Variants in BCAS3 observed in about 807,000 individuals in gnomAD.
BCAS3 encodes BCAS4/BCAS3 fusion.
Under a neutral mutation model 116.1 loss-of-function variants are expected in BCAS3, and 53 were observed. That is an observed-to-expected ratio of 0.46 (90% CI 0.37 to 0.57). The LOEUF (loss-of-function observed/expected upper bound fraction) is 0.57. Ranked by LOEUF, BCAS3 falls within the 20% of genes least tolerant of loss-of-function variation. BCAS3 has a pLI of 0.00. For missense variants in BCAS3, 917 were observed against 1,165.4 expected (o/e 0.79, Z 3.10); for synonymous variants, 391 against 408.2 (o/e 0.96, Z 0.51).
rs2077153773 is a variant in BCAS3 at position 61,145,543 on chromosome 17, G to A, written c.2425+60979G>A. ...TTTGGAGATGAAAAACAGACGGAGA[G>A]AGGCATTTCCAACCATCTTGCTGAT... On this transcript the variant is annotated intron_variant, in intron 22 of 23. Transcript: ENST00000407086. This position sits in a 1 kb window ranked among gnomAD's most constrained non-coding sequence, Gnocchi z 5.0. Among the ~76,000 whole-genome samples, 1 of 152,158 alleles carries A rather than the reference G, an allele frequency of 6.6e-6. No individual in the cohort carries two copies. Among genetic ancestry groups the A allele is most frequent in the African/African-American group, 2.4e-5 (1 of 41,424 alleles).
rs2064490677 is a variant in BCAS3 at position 61,004,305 on chromosome 17, A to C, written c.1487-11446A>C. On this transcript the variant is annotated intron_variant, in intron 15 of 23. Coordinates refer to ENST00000407086, the MANE Select transcript of BCAS3 (RefSeq NM_017679.5). This position sits in a 1 kb window ranked among gnomAD's most constrained non-coding sequence, Gnocchi z 4.8. ...AGAAGTGCAAATGGGTAGAACAACA[A>C]ATTTTGGGAAAAGAAGTGAATGTTC... Among the ~76,000 whole-genome samples, 1 of 152,158 alleles carries C rather than the reference A, an allele frequency of 6.6e-6. No individual in the cohort carries two copies. Among genetic ancestry groups the C allele is most frequent in the Non-Finnish European group, 1.5e-5 (1 of 68,016 alleles).
rs970709113 is a variant in BCAS3, at chr17:61,103,062, A to T, written c.2425+18498A>T. On this transcript the variant is annotated intron_variant, in intron 22 of 23. Transcript: ENST00000407086. ...TCCAGAGCCTGTGTTTTTAGCTATAATGTGCTTTGGTATGAAGATATATTC... is the reference window on the plus strand; with the variant it reads ...TCCAGAGCCTGTGTTTTTAGCTATATTGTGCTTTGGTATGAAGATATATTC... 2.6e-4 allele frequency among the ~76,000 whole-genome samples: 40 copies of T among 152,092 alleles called. 1 individual carries two copies. The highest frequency in any genetic ancestry group is 8.7e-4 in the African/African-American group (36 of 41,408).
chr17:61,040,110 A>G (rs796205907), intron 18 of BCAS3, among the ~76,000 whole-genome samples: 10 of 152,360 alleles, frequency 6.6e-5, no homozygotes, highest in African/African-American at 2.4e-4. Flanking sequence ...TGCTCCTGAC[A>G]TGTATGGAAG....
chr17:60,683,276 A>G (rs139142424), intron 2 of BCAS3, among the ~76,000 whole-genome samples: 1 of 152,216 alleles, frequency 6.6e-6, no homozygotes, highest in East Asian at 1.9e-4. Context: ...ACTTGCTCTA[A>G]TTAGGGCATT....
intron 22 of BCAS3, among the ~76,000 whole-genome samples, chr17:61,264,785 G>A (rs73993414): frequency 0.057 from 8,706 of 152,230 alleles, 535 homozygotes; most frequent in African/African-American, 0.15. Flanking sequence ...CTGATATTGA[G>A]GAGGCAGGAG....
chr17:61,382,484 A>G (rs1302752593), intron 23 of BCAS3, among the ~76,000 whole-genome samples: 3 of 150,774 alleles, frequency 2.0e-5, no homozygotes, highest in Non-Finnish European at 3.0e-5. Flanking sequence ...CTGGTCTCGA[A>G]CTCCTGACCT....
intron 6 of BCAS3, among the ~76,000 whole-genome samples, chr17:60,799,932 A>G (rs1402317313): frequency 6.6e-6 from 1 of 151,426 alleles, no homozygotes; most frequent in Non-Finnish European, 1.5e-5. Context: ...TCAGTAGTTA[A>G]TTCCTTTTTA....
At position 61,034,648 on chromosome 17, in the gene BCAS3, C is replaced by G. The variant is rs1218375510; in HGVS notation, c.1638-18C>G. ...TTCATCATGATAATTGTTTTTTACT[C>G]TTATTTTATTTTTTAAGCAAAGTTA... On this transcript the variant is annotated intron_variant, in intron 16 of 23. Transcript: ENST00000407086. The surrounding 1 kb of genome is among the most constrained non-coding windows in gnomAD (Gnocchi z 5.0). 8.8e-6 allele frequency: 14 copies of G among 1,585,136 alleles called. 1 individual carries two copies. In the Admixed American group the frequency reaches 2.3e-4, roughly 26 times the overall value.
Position 61,392,526 on chromosome 17 carries a change from CCT to C in BCAS3, c.*402_*403del, listed in dbSNP as rs2060181706. 1 of 169,644 alleles carries C rather than the reference CCT, an allele frequency of 5.9e-6. No individual in the cohort carries two copies. Among genetic ancestry groups the C allele is most frequent in the African/African-American group, 2.4e-5 (1 of 41,912 alleles). 10.5% of individuals were successfully genotyped at this position (169,644 alleles called of 1,614,324 possible). On this transcript the variant is annotated 3_prime_UTR_variant, in exon 24 of 24. Transcript: ENST00000407086. The surrounding 1 kb of genome is among the most constrained non-coding windows in gnomAD (Gnocchi z 6.4). ...TGATCGTCCACCTGGCCATTTTGAC[CCT>C]GAGTGGACAGTCACAGCCTCAGCTC...
At position 60,688,452 on chromosome 17, in the gene BCAS3, A is replaced by G. The variant is rs1313752676; in HGVS notation, c.139-1234A>G. Among the ~76,000 whole-genome samples, 3 of 151,934 alleles carry G rather than the reference A, an allele frequency of 2.0e-5. No individual in the cohort carries two copies. The East Asian group carries it at 5.8e-4, about 29-fold the overall frequency. The stretch of plus-strand genomic sequence containing the variant: ...GTAGCTGGGACTACAGGTGCATGCC[A>G]CCATGCCCAGATTTTTTTTCTGTAG... On this transcript the variant is annotated intron_variant, in intron 3 of 23. Transcript: ENST00000407086.
At chr17:61,190,499 C>T (rs1218179999) in intron 22 of BCAS3, among the ~76,000 whole-genome samples, 2 of 125,928 alleles carry the variant, frequency 1.6e-5, no homozygotes. Flanking sequence ...TGTACTCCAG[C>T]CTGGGCTATG....
chr17:60,748,750 A>G (rs2042205452), intron 6 of BCAS3, among the ~76,000 whole-genome samples: 1 of 152,184 alleles, frequency 6.6e-6, no homozygotes, highest in Non-Finnish European at 1.5e-5. Flanking sequence ...TATTGCTAAT[A>G]TTTTATTTAG....
intron 19 of BCAS3, among the ~76,000 whole-genome samples, chr17:61,061,116 T>C (rs1158526972): frequency 6.6e-6 from 1 of 152,196 alleles, no homozygotes; most frequent in East Asian, 1.9e-4. Context: ...TTAATGATCA[T>C]TTAAGAAGAT....
intron 6 of BCAS3, among the ~76,000 whole-genome samples, chr17:60,793,644 C>A (rs117746316): frequency 1.3e-5 from 2 of 152,126 alleles, no homozygotes; most frequent in East Asian, 3.8e-4. Flanking sequence ...TTAGTGAGAA[C>A]ATATGATGGT....
chr17:60,913,570 T>A (rs901483509), intron 12 of BCAS3, among the ~76,000 whole-genome samples: 1 of 152,156 alleles, frequency 6.6e-6, no homozygotes, highest in Non-Finnish European at 1.5e-5. Context: ...CTGCAGTGGT[T>A]AATGTCTTAG....
In BCAS3 at chr17:60,990,319, G is replaced by A. The variant is rs944126011; in HGVS notation, c.1486+84G>A. Reference sequence around the variant, plus strand: ...ACAGATCTGGGATAAAACTAAACTTGTTATAGTCTGTTCATGTAAAAAGAA... The same window carrying A: ...ACAGATCTGGGATAAAACTAAACTTATTATAGTCTGTTCATGTAAAAAGAA... On this transcript the variant is annotated intron_variant, in intron 15 of 23. Coordinates refer to ENST00000407086, the MANE Select transcript of BCAS3 (RefSeq NM_017679.5). The surrounding 1 kb of genome is among the most constrained non-coding windows in gnomAD (Gnocchi z 5.1). 3.6e-6 allele frequency: 5 copies of A among 1,392,014 alleles called. No individual in the cohort carries two copies. The African/African-American group carries it at 5.8e-5, about 16-fold the overall frequency. 86.2% of individuals were successfully genotyped at this position (1,392,014 alleles called of 1,614,324 possible). A position where few individuals can be genotyped will look rare whatever the true frequency, so the allele number is the denominator to read the frequency against.
rs978821723 is a variant in BCAS3, at chr17:61,128,512, C to G, written c.2425+43948C>G. The G allele has an allele frequency of 2.9e-5, 29 of 985,190 alleles. No individual in the cohort carries two copies. The highest frequency in any genetic ancestry group is 3.5e-5 in the Non-Finnish European group (29 of 829,854). The allele number at this position is 985,190 out of a possible 1,614,324, so 61.0% of individuals were successfully genotyped here. On this transcript the variant is annotated intron_variant, in intron 22 of 23. Coordinates refer to ENST00000407086, the MANE Select transcript of BCAS3 (RefSeq NM_017679.5). This position sits in a 1 kb window ranked among gnomAD's most constrained non-coding sequence, Gnocchi z 4.1. The stretch of plus-strand genomic sequence containing the variant: ...CAGAGGTTAACAAGCAATGGACAAA[C>G]CTTCCGTTCTTCTCTATCCCAAATC...
Position 61,199,058 on chromosome 17 carries a change from C to A in BCAS3, c.2425+114494C>A, listed in dbSNP as rs2080666574. ...TTTCTCTATCCTGGAAAAAAAGTGT[C>A]CAGTAGAGTCTGTCCTTCCTGAGCT... is the stretch of plus-strand genomic sequence containing the variant. On this transcript the variant is annotated intron_variant, in intron 22 of 23. Coordinates refer to ENST00000407086, the MANE Select transcript of BCAS3 (RefSeq NM_017679.5). This position sits in a 1 kb window ranked among gnomAD's most constrained non-coding sequence, Gnocchi z 4.6. 6.6e-6 allele frequency among the ~76,000 whole-genome samples: 1 copy of A among 152,154 alleles called. No individual in the cohort carries two copies. The highest frequency in any genetic ancestry group is 1.5e-5 in the Non-Finnish European group (1 of 68,032).
At chr17:60,891,150 G>A (rs944512552) in intron 10 of BCAS3, among the ~76,000 whole-genome samples, 30 of 152,092 alleles carry the variant, frequency 2.0e-4, no homozygotes, top group Non-Finnish European at 7.4e-5. Context: ...GTGACACAAT[G>A]GTATCTTCTA....
Sources: allele counts gnomAD v4.1 joint callset (sites outside exome capture counted in the v4.1 genomes callset), GRCh38; gene constraint gnomAD v4.1.1; non-coding constraint Gnocchi (gnomAD v3.1); transcripts MANE v1.5; gene names NCBI Gene and HGNC (gene_info 2026-07-23, HGNC 2026-07-21).